The following NEK5 variants were observed in gnomAD, a reference collection of about 807,000 sequenced individuals.
NEK5 encodes the protein NIMA related kinase 5.
In NEK5, 88 loss-of-function variants were observed where a neutral mutation model predicts 109.2. The ratio of observed to expected loss-of-function variants is 0.81; its 90% CI spans 0.68 to 0.96. The LOEUF is 0.96. NEK5 is among the 40% of genes least tolerant of loss of function. The pLI, the probability that NEK5 is intolerant of heterozygous loss-of-function variation, is 0.00. For missense variants in NEK5, 834 were observed against 920.7 expected (o/e 0.91, Z 1.22); for synonymous variants, 283 against 299.9 (o/e 0.94, Z 0.58).
intron 9 of NEK5, among the ~76,000 whole-genome samples, chr13:52,104,042 C>G (rs139749993): frequency 1.7e-3 from 264 of 152,308 alleles, no homozygotes; most frequent in Admixed American, 2.6e-3. Flanking sequence ...TGACTGCAGC[C>G]TCTGCCTCCT....
At chr13:52,084,760 AGAGTGTGTGTGTGTGTGT>A (rs1955100609) in intron 16 of NEK5, among the ~76,000 whole-genome samples, 4 of 36,568 alleles carry the variant, frequency 1.1e-4, no homozygotes, top group Non-Finnish European at 1.5e-4. Context: ...AGAGAGAGAG[AGAGTGTGTGTGTGTGTGT>A]GTGTGTGTGT....
intron 23 of NEK5, among the ~76,000 whole-genome samples, chr13:52,042,604 TAAA>T (rs1218966360): frequency 1.3e-5 from 2 of 151,734 alleles, no homozygotes; most frequent in Admixed American, 6.6e-5. Flanking sequence ...TTTTTAATAA[TAAA>T]AAAGCTTTTT....
intron 7 of NEK5, among the ~76,000 whole-genome samples, chr13:52,109,416 CAGAT>C (rs777841651): frequency 1.2e-4 from 18 of 152,308 alleles, no homozygotes; most frequent in Non-Finnish European, 1.9e-4. Flanking sequence ...CATCACATGA[CAGAT>C]AGCAGGCCTG....
rs768434512 is a variant in NEK5, at chr13:52,119,357, T to TTCA, written c.173_175dup (p.Met58dup). On this transcript the variant is annotated inframe_insertion, in exon 4 of 24. Coordinates refer to ENST00000684899, the MANE Select transcript of NEK5 (RefSeq NM_001365552.1). ...GAAGAAGGCTACAATGTTGGGATGT[T>TTCA]TCATCTTTTCCAGAAGAATCACTTC... 3,190 of 1,604,098 alleles carry TTCA rather than the reference T, an allele frequency of 2.0e-3. 12 individuals carry two copies. The highest frequency in any genetic ancestry group is 3.2e-3 in the South Asian group (287 of 89,926).
chr13:52,079,945 G>A (rs1204050567), intron 17 of NEK5, among the ~76,000 whole-genome samples: 3 of 151,580 alleles, frequency 2.0e-5, no homozygotes, highest in East Asian at 2.0e-4. Context: ...GCCTCTACCC[G>A]GCCGCGACCC....
intron 3 of NEK5, among the ~76,000 whole-genome samples, chr13:52,122,766 CAAA>C (rs1001243418): frequency 1.5e-5 from 2 of 129,770 alleles, no homozygotes; most frequent in African/African-American, 2.8e-5. Context: ...GACTCCGTCT[CAAA>C]AAAAAAAAAG....
At chr13:52,078,450 C>T (rs139314462) in intron 17 of NEK5, among the ~76,000 whole-genome samples, 138 of 152,188 alleles carry the variant, frequency 9.1e-4, no homozygotes, top group Admixed American at 2.8e-3. Flanking sequence ...TACAAAAGGG[C>T]GCAACAAACT....
At chr13:52,123,631 C>T (rs1026555109) in intron 3 of NEK5, among the ~76,000 whole-genome samples, 2 of 152,072 alleles carry the variant, frequency 1.3e-5, no homozygotes, top group Non-Finnish European at 2.9e-5. Flanking sequence ...TGTGGAATAC[C>T]AGCACAAAAC....
chr13:52,070,194 G>A (rs1954761548), intron 20 of NEK5, among the ~76,000 whole-genome samples: 1 of 152,196 alleles, frequency 6.6e-6, no homozygotes, highest in Admixed American at 6.5e-5. Context: ...CATTCCAGCA[G>A]GCTGTATGGA....
intron 12 of NEK5, among the ~76,000 whole-genome samples, chr13:52,097,225 A>G (rs1233938549): frequency 2.0e-5 from 3 of 152,216 alleles, no homozygotes; most frequent in African/African-American, 7.2e-5. Context: ...GAAATGTGGC[A>G]TTGGAGCCTC....
intron 20 of NEK5, among the ~76,000 whole-genome samples, chr13:52,068,568 T>C (rs1267693620): frequency 6.6e-6 from 1 of 151,944 alleles, no homozygotes; most frequent in Admixed American, 6.6e-5. Flanking sequence ...GCAATACATA[T>C]TACAGGCAAA....
intron 18 of NEK5, 98 bp from the exon 19 acceptor site, chr13:52,075,924 T>C: frequency 2.1e-6 from 2 of 946,458 alleles, no homozygotes; most frequent in Non-Finnish European, 3.2e-6. Flanking sequence ...TATAGATTCT[T>C]AAAACCATTG....
At chr13:52,051,679 G>T (rs1018373950) in intron 22 of NEK5, among the ~76,000 whole-genome samples, 1 of 152,128 alleles carries the variant, frequency 6.6e-6, no homozygotes, top group Non-Finnish European at 1.5e-5. Context: ...AATAAATCTC[G>T]GGACCGATTT....
chr13:52,079,819 G>A (rs1258977465), intron 17 of NEK5, among the ~76,000 whole-genome samples: 2 of 150,438 alleles, frequency 1.3e-5, no homozygotes, highest in Non-Finnish European at 1.5e-5. Flanking sequence ...AGTGAGGAGC[G>A]TCTCTGCCCC....
At chr13:52,092,893 A>G (rs1287206733) in intron 13 of NEK5, among the ~76,000 whole-genome samples, 161 bp downstream of exon 13, 4 of 152,226 alleles carry the variant, frequency 2.6e-5, no homozygotes, top group Non-Finnish European at 5.9e-5. Flanking sequence ...ACAAAAGCAA[A>G]CAAAAGAAAA....
intron 4 of NEK5, among the ~76,000 whole-genome samples, chr13:52,113,742 A>C (rs1955799968): frequency 6.6e-6 from 1 of 151,636 alleles, no homozygotes. Context: ...CCCCAAATGT[A>C]TATGTTGAAA....
chr13:52,097,043 G>A (rs1593973421), intron 12 of NEK5, among the ~76,000 whole-genome samples: 1 of 152,210 alleles, frequency 6.6e-6, no homozygotes, highest in South Asian at 2.1e-4. Context: ...TTCAGAGGGT[G>A]CAAGCCGTAA....
chr13:52,067,383 C>G (rs1954707528), intron 20 of NEK5, among the ~76,000 whole-genome samples: 1 of 152,178 alleles, frequency 6.6e-6, no homozygotes, highest in Non-Finnish European at 1.5e-5. Flanking sequence ...AAAAATCAAG[C>G]TGCAGACACA....
Position 52,119,352 on chromosome 13 carries a change from G to C in NEK5, c.181C>G (p.Pro61Ala), listed in dbSNP as rs1955924757. Residue 61 changes from proline to alanine, a missense_variant, in exon 4 of 24, where the codon CCC becomes GCC. Coordinates refer to ENST00000684899, the MANE Select transcript of NEK5 (RefSeq NM_001365552.1). ...GAATTGAAGAAGGCTACAATGTTGG[G>C]ATGTTTCATCTTTTCCAGAAGAATC... ...EVILLEKMKH[P>A]NIVAFFNSFQ... 6.2e-7 allele frequency: 1 copy of C among 1,601,878 alleles called. No individual in the cohort carries two copies. The highest frequency in any genetic ancestry group is 1.3e-5 in the African/African-American group (1 of 74,632).
Sources: allele counts gnomAD v4.1 joint callset (sites outside exome capture counted in the v4.1 genomes callset), GRCh38; gene constraint gnomAD v4.1.1; transcripts MANE v1.5; gene names NCBI Gene and HGNC (gene_info 2026-07-23, HGNC 2026-07-21).